The following GALNT2 variants were observed in gnomAD, a reference collection of about 807,000 sequenced individuals.
The protein encoded by GALNT2 is UDP-GalNAc:polypeptide N-acetylgalactosaminyltransferase 2.
Under a neutral mutation model 81.4 loss-of-function variants are expected in GALNT2, and 31 were observed. The observed-to-expected ratio is 0.38, with a 90% CI of 0.29 to 0.51. The LOEUF (loss-of-function observed/expected upper bound fraction) is 0.51. Ranked by LOEUF, GALNT2 falls within the 20% of genes least tolerant of loss-of-function variation. The pLI is 0.87. For synonymous variants in GALNT2, 303 were observed against 287.4 expected, an observed-to-expected ratio of 1.05 and a Z score of -0.55; for missense variants, 629 against 765.7, an observed-to-expected ratio of 0.82 and a Z score of 2.11.
chr1:230,115,858 A>G (rs1335546672), intron 1 of GALNT2, among the ~76,000 whole-genome samples: 1 of 152,230 alleles, frequency 6.6e-6, no homozygotes, highest in Non-Finnish European at 1.5e-5. Context: ...ACATGCTCAC[A>G]GCATGTTCCC....
At position 230,219,448 on chromosome 1, in the gene GALNT2, C is replaced by T. The variant is rs186476838; in HGVS notation, c.374+16158C>T. Reference sequence around the variant, plus strand: ...GGTGGCTTTCTGTTCTGGCATCCCTCTCAAATTAACCCCTTCCTCTCATTG... The same window carrying T: ...GGTGGCTTTCTGTTCTGGCATCCCTTTCAAATTAACCCCTTCCTCTCATTG... On this transcript the variant is annotated intron_variant, in intron 3 of 15. Coordinates refer to ENST00000366672, the MANE Select transcript of GALNT2 (RefSeq NM_004481.5). Among the ~76,000 whole-genome samples, 356 of 152,102 alleles carry T rather than the reference C, an allele frequency of 2.3e-3. 3 individuals are homozygous for T. The highest frequency in any genetic ancestry group is 8.3e-3 in the African/African-American group (345 of 41,496).
In GALNT2 at chr1:230,140,544, C is replaced by T. The variant is rs149202536; in HGVS notation, c.127-37674C>T. ...TGCTATAGAAATCCAGCCTCGGAAC[C>T]GGGAGTACTGTCAGTGGTGCTCGGG... is the stretch of plus-strand genomic sequence containing the variant. On this transcript the variant is annotated intron_variant, in intron 1 of 15. Transcript: ENST00000366672. 7.1e-3 allele frequency among the ~76,000 whole-genome samples: 1,081 copies of T among 152,266 alleles called. 8 individuals carry two copies. The highest frequency in any genetic ancestry group is 0.017 in the Middle Eastern group (5 of 294).
At position 230,088,645 on chromosome 1, in the gene GALNT2, C is replaced by A. The variant is rs150156141; in HGVS notation, c.126+21239C>A. The stretch of plus-strand genomic sequence containing the variant: ...CTCCGCTACCCAGGTTCACCCCATT[C>A]TCCTGCCTCAGCCTCCCAAGTGGCT... On this transcript the variant is annotated intron_variant, in intron 1 of 15. Coordinates refer to ENST00000366672, the MANE Select transcript of GALNT2 (RefSeq NM_004481.5). Among the ~76,000 whole-genome samples the A allele has an allele frequency of 3.8e-4, 58 of 151,828 alleles. No individual in the cohort carries two copies. In the Middle Eastern group the frequency reaches 0.01, roughly 27 times the overall value.
At chr1:230,107,545 A>G (rs1273568575) in intron 1 of GALNT2, among the ~76,000 whole-genome samples, 1 of 150,804 alleles carries the variant, frequency 6.6e-6, no homozygotes, top group Non-Finnish European at 1.5e-5. Context: ...GTGCCACTGT[A>G]CTCCAACCTG....
intron 1 of GALNT2, among the ~76,000 whole-genome samples, chr1:230,171,130 C>T (rs1662778534): frequency 6.6e-6 from 1 of 152,170 alleles, no homozygotes; most frequent in Non-Finnish European, 1.5e-5. Flanking sequence ...GGTGGAACGC[C>T]AACCTTGAAG....
intron 1 of GALNT2, among the ~76,000 whole-genome samples, chr1:230,109,575 C>G (rs1314629302): frequency 6.6e-6 from 1 of 152,170 alleles, no homozygotes; most frequent in Non-Finnish European, 1.5e-5. Context: ...CGCATGTAAT[C>G]CCAGCACTTC....
intron 2 of GALNT2, among the ~76,000 whole-genome samples, chr1:230,195,994 C>T (rs191004674): frequency 4.6e-5 from 7 of 152,222 alleles, no homozygotes; most frequent in Admixed American, 1.3e-4. Flanking sequence ...AGCCTCCTCA[C>T]TTTCGTCTCC....
At chr1:230,077,855 G>C (rs990669155) in intron 1 of GALNT2, among the ~76,000 whole-genome samples, 2 of 152,218 alleles carry the variant, frequency 1.3e-5, no homozygotes, top group Non-Finnish European at 2.9e-5. Flanking sequence ...TGGGAATTTT[G>C]CCTAACTCCT....
chr1:230,068,438 C>T (rs1345502109), intron 1 of GALNT2, among the ~76,000 whole-genome samples: 1 of 152,266 alleles, frequency 6.6e-6, no homozygotes, highest in African/African-American at 2.4e-5. Context: ...GCAGCGTTAT[C>T]TTTTCCGAAT....
intron 6 of GALNT2, among the ~76,000 whole-genome samples, chr1:230,237,002 T>C (rs1386577348): frequency 1.3e-5 from 2 of 152,208 alleles, no homozygotes; most frequent in East Asian, 1.9e-4. Flanking sequence ...GGAAGTCTTA[T>C]CAGTCCCTTG....
At chr1:230,124,141 T>C (rs1661103729) in intron 1 of GALNT2, among the ~76,000 whole-genome samples, 1 of 152,214 alleles carries the variant, frequency 6.6e-6, no homozygotes, top group South Asian at 2.1e-4. Context: ...TGTCATTAGA[T>C]CTATACAATG....
intron 4 of GALNT2, 101 bp from the exon 5 acceptor site, chr1:230,236,252 C>T (rs1177747914): frequency 4.3e-6 from 6 of 1,393,896 alleles, no homozygotes; most frequent in East Asian, 2.3e-5. Flanking sequence ...TGTAGCTCCT[C>T]CAACCAAGGG....
At chr1:230,110,923 T>C (rs529777396) in intron 1 of GALNT2, among the ~76,000 whole-genome samples, 2 of 152,136 alleles carry the variant, frequency 1.3e-5, no homozygotes, top group Non-Finnish European at 2.9e-5. Context: ...CTCTTCTCTT[T>C]AAGTACAAGC....
At chr1:230,213,675 G>T (rs1664299853) in intron 3 of GALNT2, among the ~76,000 whole-genome samples, 1 of 152,170 alleles carries the variant, frequency 6.6e-6, no homozygotes, top group Non-Finnish European at 1.5e-5. Flanking sequence ...CACTGGTTGT[G>T]TTCTCTTAGT....
At chr1:230,224,915 A>G (rs1462147345) in intron 3 of GALNT2, among the ~76,000 whole-genome samples, 2 of 152,286 alleles carry the variant, frequency 1.3e-5, no homozygotes, top group East Asian at 1.9e-4. Context: ...AGCCTGCGGT[A>G]TTCAAGAAAG....
At chr1:230,145,183 C>G (rs746240219) in intron 1 of GALNT2, among the ~76,000 whole-genome samples, 2 of 152,136 alleles carry the variant, frequency 1.3e-5, no homozygotes, top group African/African-American at 4.8e-5. Flanking sequence ...TCCTTGGCAC[C>G]CCCTCCCCAA....
In GALNT2 at chr1:230,130,186, G is replaced by A. The variant is rs575998695; in HGVS notation, c.127-48032G>A. Among the ~76,000 whole-genome samples, 26 of 152,248 alleles carry A rather than the reference G, an allele frequency of 1.7e-4. No individual in the cohort carries two copies. The South Asian group carries it at 3.9e-3, about 23-fold the overall frequency. On this transcript the variant is annotated intron_variant, in intron 1 of 15. Coordinates refer to ENST00000366672, the MANE Select transcript of GALNT2 (RefSeq NM_004481.5). ...GCTATTTGAAGACCTTTCTCATCCC[G>A]CCTTCTACTACCATCCATATCTTTC...
chr1:230,209,370 G>GATCCACCTA (rs1664163240), intron 3 of GALNT2, among the ~76,000 whole-genome samples: 1 of 58,430 alleles, frequency 1.7e-5, no homozygotes, highest in African/African-American at 1.3e-4. Flanking sequence ...TGATCCACCT[G>GATCCACCTA]TCCTACAGGA....
intron 3 of GALNT2, among the ~76,000 whole-genome samples, chr1:230,226,657 T>C (rs1224535531): frequency 6.6e-6 from 1 of 152,166 alleles, no homozygotes; most frequent in Non-Finnish European, 1.5e-5. Flanking sequence ...TTGACCTGGC[T>C]CAGAGGCAGG....
Sources: allele counts gnomAD v4.1 joint callset (sites outside exome capture counted in the v4.1 genomes callset), GRCh38; gene constraint gnomAD v4.1.1; transcripts MANE v1.5; gene names NCBI Gene and HGNC (gene_info 2026-07-23, HGNC 2026-07-21).